FANCL: variants seen among roughly 807,000 people sequenced by gnomAD.
FANCL encodes E3 ubiquitin-protein ligase FANCL.
Under a neutral mutation model 59.4 loss-of-function variants are expected in FANCL, and 69 were observed. That is an observed-to-expected ratio of 1.16 (90% CI 0.96 to 1.42). FANCL has a LOEUF of 1.42. Ranked by LOEUF, FANCL falls within the 40% of genes most tolerant of loss-of-function variation. The pLI is 0.00. For missense variants in FANCL, 519 were observed against 447.2 expected, an observed-to-expected ratio of 1.16 and a Z score of -1.45; for synonymous variants, 180 against 147.1, an observed-to-expected ratio of 1.22 and a Z score of -1.62.
intron 7 of FANCL, 55 bp downstream of exon 7, chr2:58,198,539 C>A (rs769932054): frequency 6.9e-7 from 1 of 1,458,714 alleles, no homozygotes; most frequent in Non-Finnish European, 9.6e-7. Flanking sequence ...TCTGGGACAA[C>A]TGTACTTTTT....
At chr2:58,217,241 CACAT>C (rs1691925232) in intron 5 of FANCL, among the ~76,000 whole-genome samples, 3 of 77,370 alleles carry the variant, frequency 3.9e-5, no homozygotes, top group African/African-American at 8.7e-5. Flanking sequence ...CACACACACA[CACAT>C]ATATATGTTT....
intron 7 of FANCL, among the ~76,000 whole-genome samples, chr2:58,190,323 C>T (rs1483099748): frequency 6.6e-6 from 1 of 151,942 alleles, no homozygotes; most frequent in African/African-American, 2.4e-5. Context: ...GAAACATAGT[C>T]ACCTCATGTG....
intron 7 of FANCL, among the ~76,000 whole-genome samples, chr2:58,170,307 A>T (rs142144780): frequency 0.012 from 1,777 of 152,302 alleles, 31 homozygotes; most frequent in African/African-American, 0.04. Flanking sequence ...GTGAAGGAGA[A>T]ATAAAATCCT....
At chr2:58,217,145 TTATA>T (rs1230849426) in intron 5 of FANCL, among the ~76,000 whole-genome samples, 8 of 67,628 alleles carry the variant, frequency 1.2e-4, no homozygotes, top group Admixed American at 4.1e-4. Flanking sequence ...ATATATAGAT[TTATA>T]TATATATTTA....
At chr2:58,187,128 C>A (rs766818402) in intron 7 of FANCL, among the ~76,000 whole-genome samples, 2 of 152,026 alleles carry the variant, frequency 1.3e-5, no homozygotes, top group Non-Finnish European at 2.9e-5. Flanking sequence ...ATGTTTATTG[C>A]GGCATGATTC....
At chr2:58,182,805 C>T (rs1056144413) in intron 7 of FANCL, among the ~76,000 whole-genome samples, 32 of 151,616 alleles carry the variant, frequency 2.1e-4, no homozygotes, top group African/African-American at 7.7e-4. Context: ...ACAGTCAATA[C>T]TAGATACTGG....
intron 7 of FANCL, among the ~76,000 whole-genome samples, chr2:58,196,331 T>A (rs558326394): frequency 3.9e-5 from 6 of 152,162 alleles, no homozygotes; most frequent in African/African-American, 1.4e-4. Context: ...TATAGATGTA[T>A]CTGAACCAAA....
chr2:58,163,440 C>A lies in FANCL; in HGVS notation c.769G>T (p.Asp257Tyr), dbSNP rs539207286. ...MLPECFFLGADHVVKPLGIKL... is the reference protein window; with the variant it reads ...MLPECFFLGAYHVVKPLGIKL... ...TAAATCTCAGATGTCATACCATGGT[C>A]AGCTCCAAGAAAGAAGCACTCAGGA... The change falls in exon 9 of 14, where the codon GAC becomes TAC. Residue 257 changes from aspartate to tyrosine, a missense_variant. Physicochemically the swap from Asp to Tyr is radical, Grantham distance 160. Coordinates refer to ENST00000233741, the MANE Select transcript of FANCL (RefSeq NM_018062.4). 6.2e-7 allele frequency: 1 copy of A among 1,606,110 alleles called. No homozygotes were observed. Among genetic ancestry groups the A allele is most frequent in the East Asian group, 2.2e-5 (1 of 44,774 alleles).
chr2:58,169,959 A>T (rs1412791636), intron 7 of FANCL, among the ~76,000 whole-genome samples: 1 of 152,144 alleles, frequency 6.6e-6, no homozygotes, highest in African/African-American at 2.4e-5. Context: ...GGGAGAGTGG[A>T]ACCAAGTTAA....
chr2:58,227,280 G>A (rs563547898), intron 3 of FANCL, among the ~76,000 whole-genome samples: 1 of 152,212 alleles, frequency 6.6e-6, no homozygotes, highest in Non-Finnish European at 1.5e-5. Flanking sequence ...TCCATAGGCA[G>A]CTTGTGTTAG....
chr2:58,240,723 G>T (rs772385387), intron 1 of FANCL, among the ~76,000 whole-genome samples: 1 of 152,144 alleles, frequency 6.6e-6, no homozygotes, highest in African/African-American at 2.4e-5. Context: ...AGAAGATATT[G>T]TAACTGTGGG....
intron 7 of FANCL, among the ~76,000 whole-genome samples, chr2:58,172,478 A>G (rs1475800565): frequency 1.3e-5 from 2 of 152,186 alleles, no homozygotes; most frequent in Non-Finnish European, 2.9e-5. Flanking sequence ...CGCTACTGGT[A>G]CCCAGGCAAA....
chr2:58,212,088 G>A (rs112234416), intron 5 of FANCL, among the ~76,000 whole-genome samples: 32,395 of 152,116 alleles, frequency 0.21, 3,945 homozygotes, highest in African/African-American at 0.33. Context: ...TCATGCTGCT[G>A]ATAAAGACAT....
rs1693469045 is a variant in FANCL, at chr2:58,230,435, T to C, written c.156-561A>G. ...CTCCCGCCTCAGCCTCTCAAGTAGC[T>C]GGGACTACAGACACCCACCACCAAG... On this transcript the variant is annotated intron_variant, in intron 2 of 13. Transcript: ENST00000233741. 2.0e-5 allele frequency among the ~76,000 whole-genome samples: 3 copies of C among 152,204 alleles called. No homozygotes were observed. In the South Asian group the frequency reaches 6.2e-4, roughly 32 times the overall value.
At chr2:58,212,664 G>A (rs1311122488) in intron 5 of FANCL, among the ~76,000 whole-genome samples, 1 of 150,414 alleles carries the variant, frequency 6.6e-6, no homozygotes, top group Non-Finnish European at 1.5e-5. Context: ...TTTTTAATAG[G>A]CCATTCTGTA....
chr2:58,170,867 C>G (rs560268684), intron 7 of FANCL, among the ~76,000 whole-genome samples: 1 of 152,124 alleles, frequency 6.6e-6, no homozygotes. Context: ...CAACCAGATT[C>G]ATAAAGCAAG....
chr2:58,175,629 G>A (rs566009679), intron 7 of FANCL, among the ~76,000 whole-genome samples: 63 of 152,160 alleles, frequency 4.1e-4, no homozygotes, highest in Admixed American at 2.5e-3. Context: ...TTGATGGGAC[G>A]TATCTCAAAA....
At chr2:58,177,155 A>C (rs1687416473) in intron 7 of FANCL, among the ~76,000 whole-genome samples, 1 of 152,170 alleles carries the variant, frequency 6.6e-6, no homozygotes, top group Non-Finnish European at 1.5e-5. Flanking sequence ...GGATGTGGAG[A>C]AATAGGAACA....
intron 6 of FANCL, among the ~76,000 whole-genome samples, chr2:58,202,983 T>C (rs1285078811): frequency 6.7e-6 from 1 of 149,984 alleles, no homozygotes; most frequent in African/African-American, 2.5e-5. Flanking sequence ...CCCTTGCCAC[T>C]GGCAACATGT....
Sources: gnomAD v4.1 joint callset for allele counts (sites outside exome capture counted in the v4.1 genomes callset) on GRCh38, gnomAD v4.1.1 for gene constraint, MANE v1.5 for transcripts, NCBI Gene and HGNC (gene_info 2026-07-23, HGNC 2026-07-21) for gene names.